The following KANSL1L variants were observed in gnomAD, a reference collection of about 807,000 sequenced individuals.
KANSL1L encodes KAT8 regulatory NSL complex subunit 1 like.
KANSL1L carries 25 observed loss-of-function variants against 108.6 expected under a neutral mutation model. The observed-to-expected ratio is 0.23, with a 90% CI of 0.17 to 0.32. The LOEUF (loss-of-function observed/expected upper bound fraction) is 0.32. Ranked by LOEUF, KANSL1L falls within the 10% of genes least tolerant of loss-of-function variation. The pLI is 1.00. For missense variants in KANSL1L, 1,137 were observed against 1,125.7 expected (o/e 1.01, Z -0.14); for synonymous variants, 405 against 395.1 (o/e 1.03, Z -0.30).
rs1483213457 is a variant in KANSL1L at position 210,170,294 on chromosome 2, G to A, written c.-30+855C>T. The stretch of plus-strand genomic sequence containing the variant: ...TGTCTCCTAAACCTCGCCAGAACAT[G>A]AATGTCCTGAAGTTTGGGGAATCAA... On this transcript the variant is annotated intron_variant, in intron 1 of 14. Transcript: ENST00000281772. The A allele has an allele frequency of 3.4e-6, 3 of 889,998 alleles. No homozygotes were observed. The African/African-American group carries it at 5.4e-5, about 16-fold the overall frequency. The allele number at this position is 889,998 out of a possible 1,614,324, so 55.1% of individuals were successfully genotyped here.
At chr2:210,139,630 T>C (rs969771246) in intron 2 of KANSL1L, among the ~76,000 whole-genome samples, 2 of 152,218 alleles carry the variant, frequency 1.3e-5, no homozygotes, top group African/African-American at 2.4e-5. Context: ...ATAGTTTTAA[T>C]TGGTATTTCC....
intron 8 of KANSL1L, among the ~76,000 whole-genome samples, chr2:210,035,423 T>G (rs764576739): frequency 2.0e-5 from 3 of 152,202 alleles, no homozygotes; most frequent in Admixed American, 6.5e-5. Flanking sequence ...CAAAGATCTG[T>G]CTACTGCCTT....
At chr2:210,034,197 C>T (rs766063091) in intron 8 of KANSL1L, among the ~76,000 whole-genome samples, 3 of 152,120 alleles carry the variant, frequency 2.0e-5, no homozygotes, top group African/African-American at 7.2e-5. Context: ...CAGCCCTTGT[C>T]GTTTACAGGT....
At chr2:210,142,592 T>C (rs1213342355) in intron 2 of KANSL1L, among the ~76,000 whole-genome samples, 1 of 152,150 alleles carries the variant, frequency 6.6e-6, no homozygotes, top group African/African-American at 2.4e-5. Context: ...TTTTTCAATG[T>C]AGGTGTTTAT....
At chr2:210,036,319 C>T (rs546193503) in intron 8 of KANSL1L, among the ~76,000 whole-genome samples, 245 of 152,074 alleles carry the variant, frequency 1.6e-3, no homozygotes, top group Non-Finnish European at 2.4e-3. Flanking sequence ...GTCCCTGGGA[C>T]TACAGGCATG....
intron 2 of KANSL1L, among the ~76,000 whole-genome samples, chr2:210,142,487 CTG>C (rs2125596493): frequency 6.6e-6 from 1 of 151,976 alleles, no homozygotes; most frequent in South Asian, 2.1e-4. Context: ...CTAATATCTT[CTG>C]CTTTGATCTT....
chr2:210,055,427 G>C (rs1278471611), intron 6 of KANSL1L, among the ~76,000 whole-genome samples: 1 of 152,172 alleles, frequency 6.6e-6, no homozygotes, highest in East Asian at 1.9e-4. Flanking sequence ...TTTGGAACTG[G>C]GTAACAGGAA....
chr2:210,070,814 C>G (rs1258433462), intron 6 of KANSL1L, among the ~76,000 whole-genome samples: 1 of 152,138 alleles, frequency 6.6e-6, no homozygotes, highest in Non-Finnish European at 1.5e-5. Flanking sequence ...GGTGTTTGCT[C>G]TGTTATATGT....
At chr2:210,139,742 C>CTTTTTT (rs200971902) in intron 2 of KANSL1L, among the ~76,000 whole-genome samples, 1 of 134,372 alleles carries the variant, frequency 7.4e-6, no homozygotes, top group African/African-American at 2.7e-5. Context: ...TGCCCATTTC[C>CTTTTTT]TTTTTTTTTT....
chr2:210,159,311 G>C (rs899711760), intron 1 of KANSL1L, among the ~76,000 whole-genome samples: 4 of 152,182 alleles, frequency 2.6e-5, no homozygotes, highest in African/African-American at 9.7e-5. Context: ...TTACAAATAA[G>C]ATGGCTGGCT....
At chr2:210,134,123 G>C (rs2095152630) in intron 2 of KANSL1L, among the ~76,000 whole-genome samples, 1 of 152,014 alleles carries the variant, frequency 6.6e-6, no homozygotes, top group Admixed American at 6.6e-5. Context: ...ATACCTTCTA[G>C]TGAGAAGTTA....
At chr2:210,046,515 A>G (rs925125373) in intron 6 of KANSL1L, among the ~76,000 whole-genome samples, 17 of 152,118 alleles carry the variant, frequency 1.1e-4, no homozygotes, top group Non-Finnish European at 2.4e-4. Flanking sequence ...AAAATAAAGG[A>G]ATAGGAAAGA....
intron 3 of KANSL1L, among the ~76,000 whole-genome samples, chr2:210,114,926 A>G (rs1395817226): frequency 1.3e-5 from 2 of 152,094 alleles, no homozygotes; most frequent in African/African-American, 2.4e-5. Flanking sequence ...CCACAAAGAA[A>G]ATATCTACAG....
rs1303782662 is a variant in KANSL1L at position 210,027,359 on chromosome 2, G to A, written c.2397-9C>T. 5 of 1,607,020 alleles carry A rather than the reference G, an allele frequency of 3.1e-6. No individual in the cohort carries two copies. Among genetic ancestry groups the A allele is most frequent in the Non-Finnish European group, 4.3e-6 (5 of 1,173,764 alleles). The stretch of plus-strand genomic sequence containing the variant: ...GAACAACCATCCTCCAGCTGTTGAA[G>A]ATAAAAACCAATTTTAAACAGCTTT... On this transcript the variant is annotated splice_polypyrimidine_tract_variant and intron_variant, in intron 11 of 14. Coordinates refer to ENST00000281772, the MANE Select transcript of KANSL1L (RefSeq NM_152519.4).
At chr2:210,026,807 G>C (rs1421860115) in intron 12 of KANSL1L, among the ~76,000 whole-genome samples, 1 of 152,032 alleles carries the variant, frequency 6.6e-6, no homozygotes, top group Non-Finnish European at 1.5e-5. Context: ...GTCTTGCTCT[G>C]TTGCCCAGGC....
intron 5 of KANSL1L, among the ~76,000 whole-genome samples, chr2:210,078,436 T>G (rs2094557623): frequency 6.6e-6 from 1 of 152,202 alleles, no homozygotes; most frequent in African/African-American, 2.4e-5. Flanking sequence ...TATCCTTAGA[T>G]TCTAACACTT....
intron 5 of KANSL1L, among the ~76,000 whole-genome samples, chr2:210,093,549 T>G (rs2094710560): frequency 6.6e-6 from 1 of 152,176 alleles, no homozygotes; most frequent in Non-Finnish European, 1.5e-5. Context: ...ATATCAAAAC[T>G]TCAATTTAAT....
At chr2:210,125,065 A>T (rs1036800918) in intron 3 of KANSL1L, among the ~76,000 whole-genome samples, 1 of 151,888 alleles carries the variant, frequency 6.6e-6, no homozygotes, top group Non-Finnish European at 1.5e-5. Context: ...ACCAGCCTGG[A>T]CAACATGGTG....
chr2:210,154,272 G>A lies in KANSL1L; in HGVS notation c.311C>T (p.Pro104Leu). 6.2e-7 allele frequency: 1 copy of A among 1,613,556 alleles called. No individual in the cohort carries two copies. Among genetic ancestry groups the A allele is most frequent in the Non-Finnish European group, 8.5e-7 (1 of 1,179,828 alleles). The change falls in exon 2 of 15, where the codon CCC becomes CTC. Residue 104 changes from proline to leucine, a missense_variant. Pro to Leu is a moderately conservative substitution (Grantham distance 98). Coordinates refer to ENST00000281772, the MANE Select transcript of KANSL1L (RefSeq NM_152519.4). ...TATGTTTTTCAGCTTATTGCAACTG[G>A]GCTCCCCTAATTTCTTTTGTTTATA... Reference protein sequence around the residue: ...ENYKQKKLGEPSCNKLKNILY... With the variant: ...ENYKQKKLGELSCNKLKNILY...
Sources: gnomAD v4.1 joint callset for allele counts (sites outside exome capture counted in the v4.1 genomes callset) on GRCh38, gnomAD v4.1.1 for gene constraint, MANE v1.5 for transcripts, NCBI Gene and HGNC (gene_info 2026-07-23, HGNC 2026-07-21) for gene names.